Variants in SGF29 observed in about 807,000 individuals in gnomAD.
SGF29 encodes SAGA-associated factor 29.
SGF29 carries 15 observed loss-of-function variants against 38.1 expected under a neutral mutation model. The observed-to-expected ratio is 0.39, with a 90% confidence interval of 0.26 to 0.61. The LOEUF is 0.61. SGF29 is among the 20% of genes least tolerant of loss of function. The pLI, the probability that SGF29 is intolerant of heterozygous loss-of-function variation, is 0.49. For synonymous variants in SGF29, 151 were observed against 160.8 expected, an observed-to-expected ratio of 0.94 and a Z score of 0.46; for missense variants, 184 against 394.6, an observed-to-expected ratio of 0.47 and a Z score of 4.52.
intron 5 of SGF29, 166 bp downstream of exon 5, chr16:28,589,330 T>A: frequency 1.5e-6 from 1 of 648,110 alleles, no homozygotes. Context: ...AGGAGGTCAT[T>A]CCCAGTGCCC....
Position 28,590,884 on chromosome 16 carries a change from T to C in SGF29, c.714T>C (p.Tyr238=). The change falls in exon 9 of 10, where the codon TAT becomes TAC. Residue 238 remains tyrosine (Y), a synonymous_variant. Coordinates refer to ENST00000317058, the MANE Select transcript of SGF29 (RefSeq NM_138414.3). This position sits in a 1 kb window ranked among gnomAD's most constrained non-coding sequence, Gnocchi z 8.2. ...AGGAGCAGCTCGTGCTGGCCCTGTATCCCCAGACTACCTGCTTCTACCGCG... is the reference window on the plus strand; with the variant it reads ...AGGAGCAGCTCGTGCTGGCCCTGTACCCCCAGACTACCTGCTTCTACCGCG... ...FQKEQLVLAL[Y]PQTTCFYRAL... 6.2e-7 allele frequency: 1 copy of C among 1,613,518 alleles called. No individual in the cohort carries two copies. Among genetic ancestry groups the C allele is most frequent in the Middle Eastern group, 1.7e-4 (1 of 6,056 alleles).
At chr16:28,564,764 T>TATATAC (rs2046825168) in intron 1 of SGF29, among the ~76,000 whole-genome samples, 1 of 62,816 alleles carries the variant, frequency 1.6e-5, no homozygotes, top group South Asian at 4.1e-4. Context: ...TGTATATATG[T>TATATAC]ATATATATGT....
intron 1 of SGF29, among the ~76,000 whole-genome samples, chr16:28,564,703 A>AGACG (rs2046820631): frequency 1.2e-5 from 1 of 80,280 alleles, no homozygotes; most frequent in Non-Finnish European, 2.4e-5. Flanking sequence ...ATATGTATAT[A>AGACG]TATACATATA....
At chr16:28,565,646 C>T (rs1051798220) in intron 1 of SGF29, among the ~76,000 whole-genome samples, 11 of 151,804 alleles carry the variant, frequency 7.2e-5, no homozygotes, top group Non-Finnish European at 1.3e-4. Context: ...TACAGGCACC[C>T]GCCACCACAC....
chr16:28,579,959 T>C (rs774718290), intron 1 of SGF29, among the ~76,000 whole-genome samples: 5 of 152,004 alleles, frequency 3.3e-5, no homozygotes, highest in Non-Finnish European at 5.9e-5. Context: ...CTTCCCACTA[T>C]AGTAAGAAAG....
At chr16:28,564,614 T>TACAC (rs1567285740) in intron 1 of SGF29, among the ~76,000 whole-genome samples, 114 of 128,406 alleles carry the variant, frequency 8.9e-4, no homozygotes, top group African/African-American at 3.2e-3. Flanking sequence ...TGTATATATA[T>TACAC]ACATATATGC....
intron 3 of SGF29, 180 bp downstream of exon 3, chr16:28,585,168 C>A (rs1160069877): frequency 2.6e-5 from 15 of 583,098 alleles, no homozygotes; most frequent in Non-Finnish European, 4.0e-5. Context: ...TAAAATCCCT[C>A]TACTCTGAGG....
chr16:28,556,440 C>T (rs1472298922), intron 1 of SGF29, among the ~76,000 whole-genome samples: 4 of 152,150 alleles, frequency 2.6e-5, no homozygotes, highest in Non-Finnish European at 2.9e-5. Context: ...CTCCGCCTTC[C>T]GGTTTCAAGC....
chr16:28,554,313 C>A (rs1167183963), intron 1 of SGF29, among the ~76,000 whole-genome samples: 1 of 151,976 alleles, frequency 6.6e-6, no homozygotes, highest in East Asian at 1.9e-4. Context: ...TGCGCCCGGC[C>A]GCTCGAGGTC....
In SGF29 at chr16:28,585,355, C is replaced by T. The variant is rs1287262630; in HGVS notation, c.152-293C>T. Reference sequence around the variant, plus strand: ...GCTGGGGCTTTCTTACTCTGGGTAACTCTGAGAATTGTGTTTTCCTGGGTC... The same window carrying T: ...GCTGGGGCTTTCTTACTCTGGGTAATTCTGAGAATTGTGTTTTCCTGGGTC... On this transcript the variant is annotated intron_variant, in intron 3 of 9. Transcript: ENST00000317058. 41 of 545,250 alleles carry T rather than the reference C, an allele frequency of 7.5e-5. No homozygotes were observed. In the East Asian group the frequency reaches 1.2e-3, roughly 16 times the overall value. 33.8% of individuals were successfully genotyped at this position (545,250 alleles called of 1,614,324 possible). A position where few individuals can be genotyped will look rare whatever the true frequency, so the allele number is the denominator to read the frequency against.
chr16:28,580,990 G>T, intron 1 of SGF29, 65 bp from the exon 2 acceptor site: 1 of 1,207,306 alleles, frequency 8.3e-7, no homozygotes, highest in Non-Finnish European at 1.2e-6. Context: ...TATCTTTTGA[G>T]GGGGCACAGT....
intron 1 of SGF29, among the ~76,000 whole-genome samples, chr16:28,566,525 A>G (rs1441520592): frequency 6.6e-6 from 1 of 152,060 alleles, no homozygotes; most frequent in Non-Finnish European, 1.5e-5. Context: ...GTGGCGGCTC[A>G]CATCTGTAAT....
At position 28,565,876 on chromosome 16, in the gene SGF29, G is replaced by A. The variant is rs370617720; in HGVS notation, c.-16+11779G>A. On this transcript the variant is annotated intron_variant, in intron 1 of 9. Coordinates refer to ENST00000317058, the MANE Select transcript of SGF29 (RefSeq NM_138414.3). ...TGTGCCAGGCTCTCTGCTAGGTATGGAGAGTAAAGTGATCCCTATCCTCAA... is the reference window on the plus strand; with the variant it reads ...TGTGCCAGGCTCTCTGCTAGGTATGAAGAGTAAAGTGATCCCTATCCTCAA... Among the ~76,000 whole-genome samples the A allele has an allele frequency of 3.5e-4, 53 of 152,262 alleles. 1 individual carries two copies. In the South Asian group the frequency reaches 8.7e-3, roughly 25 times the overall value.
At chr16:28,555,660 A>C (rs1684436205) in intron 1 of SGF29, among the ~76,000 whole-genome samples, 1 of 152,216 alleles carries the variant, frequency 6.6e-6, no homozygotes, top group Non-Finnish European at 1.5e-5. Flanking sequence ...AAGCCCAGGA[A>C]AGCAAACCCT....
chr16:28,569,437 A>C (rs897884190), intron 1 of SGF29, among the ~76,000 whole-genome samples: 3 of 152,070 alleles, frequency 2.0e-5, no homozygotes, highest in Middle Eastern at 3.2e-3. Flanking sequence ...AGGCAGGTGG[A>C]TCACTTGAGC....
chr16:28,589,000 G>A, intron 4 of SGF29, 100 bp from the exon 5 acceptor site: 1 of 1,290,068 alleles, frequency 7.8e-7, no homozygotes, highest in Non-Finnish European at 1.1e-6. Flanking sequence ...TCCGGGACCA[G>A]CCTGGGCAAT....
At position 28,564,770 on chromosome 16, in the gene SGF29, TATGTATATATATATATACACACAC is replaced by T. The variant is rs1596598171; in HGVS notation, c.-16+10675_-16+10698del. Among the ~76,000 whole-genome samples, 6 of 40,100 alleles carry T rather than the reference TATGTATATATATATATACACACAC, an allele frequency of 1.5e-4. No homozygotes were observed. In the Admixed American group the frequency reaches 1.6e-3, roughly 11 times the overall value. 26.3% of individuals were successfully genotyped at this position (40,100 alleles called of 152,430 possible). ...GTATATATATGTATATATGTATATA[TATGTATATATATATATACACACAC>T]ACACACACACACAAACACACACACA... On this transcript the variant is annotated intron_variant, in intron 1 of 9. Coordinates refer to ENST00000317058, the MANE Select transcript of SGF29 (RefSeq NM_138414.3).
chr16:28,582,603 C>A (rs1567291445), intron 2 of SGF29, among the ~76,000 whole-genome samples: 1 of 152,078 alleles, frequency 6.6e-6, no homozygotes, highest in African/African-American at 2.4e-5. Context: ...TTTCTGTAAA[C>A]CAAAACTGCT....
chr16:28,589,883 C>T (rs1567293495), intron 5 of SGF29, among the ~76,000 whole-genome samples: 2 of 152,154 alleles, frequency 1.3e-5, no homozygotes, highest in East Asian at 1.9e-4. Context: ...CCCTGGATCC[C>T]CGCTGTGCTG....
Sources: allele counts gnomAD v4.1 joint callset (sites outside exome capture counted in the v4.1 genomes callset), GRCh38; gene constraint gnomAD v4.1.1; non-coding constraint Gnocchi (gnomAD v3.1); transcripts MANE v1.5; gene names NCBI Gene and HGNC (gene_info 2026-07-23, HGNC 2026-07-21).